CELF2: variants seen among roughly 807,000 people sequenced by gnomAD.
CELF2 encodes the protein CUGBP Elav-like family member 2, also known as CUG triplet repeat RNA-binding protein 2.
Under a neutral mutation model 62.6 loss-of-function variants are expected in CELF2, and 8 were observed. That is an observed-to-expected ratio of 0.13 (90% CI 0.07 to 0.23). CELF2 has a LOEUF of 0.23. Among genes scored for constraint, CELF2 ranks in the 10% least tolerant of loss-of-function variants. CELF2 has a pLI of 1.00. For synonymous variants in CELF2, 258 were observed against 250.0 expected (o/e 1.03, Z -0.30); for missense variants, 333 against 671.0 (o/e 0.50, Z 5.56).
the CELF2 span, among the ~76,000 whole-genome samples, chr10:10,535,705 TGA>T: frequency 2.6e-5 from 4 of 151,866 alleles, no homozygotes; most frequent in Non-Finnish European, 4.4e-5. Context: ...GGCGACAGAG[TGA>T]GACTCTTTGT....
intron 7 of CELF2, 131 bp from the exon 8 acceptor site, chr10:11,274,926 A>T (rs910985503): frequency 3.9e-6 from 3 of 769,986 alleles, no homozygotes; most frequent in African/African-American, 3.4e-5. Flanking sequence ...AGCTCTGGGG[A>T]CCTTCAGTCC....
At chr10:10,754,488 A>G in the CELF2 span, among the ~76,000 whole-genome samples, 1 of 152,146 alleles carries the variant, frequency 6.6e-6, no homozygotes, top group African/African-American at 2.4e-5. Context: ...TTAAGAAACT[A>G]GAAGAGACAC....
At chr10:10,559,465 T>C in the CELF2 span, among the ~76,000 whole-genome samples, 1 of 152,226 alleles carries the variant, frequency 6.6e-6, no homozygotes, top group Non-Finnish European at 1.5e-5. Context: ...GCGTTTGACA[T>C]ATACTAGCTG....
chr10:11,047,561 C>T (rs1593987881), intron 1 of CELF2, among the ~76,000 whole-genome samples: 1 of 152,222 alleles, frequency 6.6e-6, no homozygotes. Flanking sequence ...GTGAAAATCC[C>T]TACGTTATAG....
intron 9 of CELF2, among the ~76,000 whole-genome samples, chr10:11,313,611 C>G (rs769586571): frequency 1.3e-5 from 2 of 152,166 alleles, no homozygotes; most frequent in Non-Finnish European, 2.9e-5. Flanking sequence ...ATTTTACTGG[C>G]AAGTGCTACC....
At chr10:10,748,744 T>C in the CELF2 span, among the ~76,000 whole-genome samples, 4 of 98,294 alleles carry the variant, frequency 4.1e-5, no homozygotes, top group East Asian at 1.2e-3. Context: ...CGAGACTCTG[T>C]CTCAAAAAAA....
At chr10:10,513,725 A>C in the CELF2 span, among the ~76,000 whole-genome samples, 55 of 152,346 alleles carry the variant, frequency 3.6e-4, no homozygotes, top group African/African-American at 1.3e-3. Flanking sequence ...AAAGACTTTT[A>C]ACTTTTAAAG....
At chr10:11,253,299 C>T (rs1345280622) in intron 4 of CELF2, among the ~76,000 whole-genome samples, 2 of 152,162 alleles carry the variant, frequency 1.3e-5, no homozygotes, top group Admixed American at 6.5e-5. Flanking sequence ...TCACTTAAGC[C>T]TGCTGTGTGT....
At chr10:10,779,975 G>T in the CELF2 span, among the ~76,000 whole-genome samples, 1 of 152,264 alleles carries the variant, frequency 6.6e-6, no homozygotes, top group South Asian at 2.1e-4. Context: ...GGAGTTCAAG[G>T]TGATGGGAGG....
chr10:10,738,337 G>T, the CELF2 span, among the ~76,000 whole-genome samples: 2 of 152,174 alleles, frequency 1.3e-5, no homozygotes, highest in African/African-American at 4.8e-5. Context: ...GTCTTTAAAT[G>T]TAGGATGTAC....
the CELF2 span, among the ~76,000 whole-genome samples, chr10:10,540,108 G>A: frequency 2.0e-5 from 3 of 152,252 alleles, no homozygotes; most frequent in East Asian, 5.8e-4. Context: ...TGAGTTGATT[G>A]GAAGAAGCTT....
At chr10:11,206,702 A>G (rs541489413) in intron 2 of CELF2, among the ~76,000 whole-genome samples, 107 of 152,344 alleles carry the variant, frequency 7.0e-4, no homozygotes, top group African/African-American at 2.4e-3. Context: ...GAAGTTTTTC[A>G]TTCTTCCTTA....
At chr10:10,961,760 GA>G (rs67279619) in intron 2 of CELF2, among the ~76,000 whole-genome samples, 88 of 141,444 alleles carry the variant, frequency 6.2e-4, no homozygotes, top group African/African-American at 1.7e-3. Context: ...CAAAAAAAAA[GA>G]AAAAAAAAAA....
chr10:10,646,440 C>T, the CELF2 span, among the ~76,000 whole-genome samples: 1 of 152,216 alleles, frequency 6.6e-6, no homozygotes. Context: ...TCAAGCTTCA[C>T]TTGGTTTTTT....
chr10:11,103,280 A>G (rs1049443142), intron 1 of CELF2, among the ~76,000 whole-genome samples: 2 of 152,138 alleles, frequency 1.3e-5, no homozygotes, highest in African/African-American at 2.4e-5. Context: ...TCGTCATTCA[A>G]GATTCAACTC....
the CELF2 span, among the ~76,000 whole-genome samples, chr10:10,601,878 T>C: frequency 1.3e-5 from 2 of 152,112 alleles, no homozygotes; most frequent in African/African-American, 4.8e-5. Flanking sequence ...TTTCCTAATG[T>C]TCTCCCTCCC....
intron 1 of CELF2, among the ~76,000 whole-genome samples, chr10:10,873,675 A>T (rs2060902981): frequency 6.6e-6 from 1 of 152,202 alleles, no homozygotes; most frequent in South Asian, 2.1e-4. Flanking sequence ...TTGTAGAGTC[A>T]TCCTATATTA....
the CELF2 span, among the ~76,000 whole-genome samples, chr10:10,485,115 G>A: frequency 3.3e-4 from 50 of 152,252 alleles, no homozygotes; most frequent in Non-Finnish European, 5.6e-4. Flanking sequence ...CCTTACAGAA[G>A]AGTCAACTCC....
chr10:11,093,720 A>G (rs1259815367), intron 1 of CELF2, among the ~76,000 whole-genome samples: 1 of 152,182 alleles, frequency 6.6e-6, no homozygotes, highest in African/African-American at 2.4e-5. Context: ...CCTTTTTTCA[A>G]CTGAATCAGC....
Sources: gnomAD v4.1 joint callset for allele counts (sites outside exome capture counted in the v4.1 genomes callset) on GRCh38, gnomAD v4.1.1 for gene constraint, MANE v1.5 for transcripts, NCBI Gene and HGNC (gene_info 2026-07-23, HGNC 2026-07-21) for gene names.